Variants in LRRC1 observed in about 807,000 individuals in gnomAD.
LRRC1 encodes leucine rich repeat containing 1.
A neutral mutation model predicts 69.9 loss-of-function variants in LRRC1; 28 were observed. That is an observed-to-expected ratio of 0.40 (90% CI 0.30 to 0.55). The LOEUF (loss-of-function observed/expected upper bound fraction) is 0.55, where lower values mean the gene tolerates loss of function less well. LRRC1 is among the 20% of genes least tolerant of loss of function. The pLI, the probability that LRRC1 is intolerant of heterozygous loss-of-function variation, is 0.47. For synonymous variants in LRRC1, 236 were observed against 240.2 expected, an observed-to-expected ratio of 0.98 and a Z score of 0.16; for missense variants, 498 against 609.0, an observed-to-expected ratio of 0.82 and a Z score of 1.92.
intron 10 of LRRC1, among the ~76,000 whole-genome samples, chr6:53,910,298 A>C (rs573553091): frequency 3.3e-5 from 5 of 152,324 alleles, no homozygotes; most frequent in African/African-American, 1.2e-4. Flanking sequence ...GTAATAAGTT[A>C]TTTAAACAGT....
At chr6:53,902,417 T>A (rs936980857) in intron 8 of LRRC1, among the ~76,000 whole-genome samples, 3 of 152,224 alleles carry the variant, frequency 2.0e-5, no homozygotes, top group Non-Finnish European at 4.4e-5. Flanking sequence ...TGTTTCTTAT[T>A]GCTGACCGTT....
intron 1 of LRRC1, among the ~76,000 whole-genome samples, chr6:53,806,138 C>T (rs1764630683): frequency 6.6e-6 from 1 of 152,230 alleles, no homozygotes; most frequent in Non-Finnish European, 1.5e-5. Context: ...CTCCCATCTC[C>T]TCTGTGGTCT....
intron 4 of LRRC1, among the ~76,000 whole-genome samples, chr6:53,890,689 A>G (rs191435261): frequency 3.5e-4 from 54 of 152,340 alleles, no homozygotes; most frequent in African/African-American, 1.2e-3. Context: ...TTCTAGAGCA[A>G]AGCCACCGTA....
At chr6:53,917,418 T>A (rs1490235526) in intron 11 of LRRC1, among the ~76,000 whole-genome samples, 1 of 152,258 alleles carries the variant, frequency 6.6e-6, no homozygotes, top group Admixed American at 6.5e-5. Context: ...CTCATTAATT[T>A]GAGTTGAAAT....
chr6:53,865,482 T>C (rs1040165984), intron 2 of LRRC1, among the ~76,000 whole-genome samples: 6 of 152,164 alleles, frequency 3.9e-5, no homozygotes, highest in African/African-American at 1.2e-4. Context: ...ATGCAATTGC[T>C]GATTCCTGTT....
At chr6:53,809,028 C>A (rs1157549830) in intron 1 of LRRC1, among the ~76,000 whole-genome samples, 1 of 152,174 alleles carries the variant, frequency 6.6e-6, no homozygotes, top group African/African-American at 2.4e-5. Flanking sequence ...TCCTTATATA[C>A]ATACTTAAAG....
intron 7 of LRRC1, among the ~76,000 whole-genome samples, chr6:53,899,501 T>A (rs1374318248): frequency 1.3e-5 from 2 of 152,222 alleles, no homozygotes; most frequent in African/African-American, 4.8e-5. Flanking sequence ...TGGGAATGAT[T>A]CCTTGCCTGC....
chr6:53,922,730 A>G lies in LRRC1; in HGVS notation c.1512A>G (p.Lys504=). The G allele has an allele frequency of 1.2e-6, 2 of 1,614,138 alleles. No individual in the cohort carries two copies. Among genetic ancestry groups the G allele is most frequent in the Non-Finnish European group, 1.7e-6 (2 of 1,179,974 alleles). ...ENLRNDMNAA[K]GLDSNKNEVN... ...TACGGAATGACATGAATGCTGCTAA[A>G]GGACTGGACTCAAACAAAAACGAGG... Residue 504 remains lysine, a synonymous_variant, in exon 14 of 14, where the codon AAA becomes AAG. Coordinates refer to ENST00000370888, the MANE Select transcript of LRRC1 (RefSeq NM_018214.5).
intron 1 of LRRC1, among the ~76,000 whole-genome samples, chr6:53,806,740 A>G (rs1039357720): frequency 3.3e-5 from 5 of 152,172 alleles, no homozygotes; most frequent in Non-Finnish European, 5.9e-5. Context: ...ATAATCAAGG[A>G]TTTGATAATA....
At chr6:53,809,283 T>C (rs1191667412) in intron 1 of LRRC1, among the ~76,000 whole-genome samples, 1 of 152,264 alleles carries the variant, frequency 6.6e-6, no homozygotes, top group African/African-American at 2.4e-5. Context: ...AGTACTGTTA[T>C]AAATGGATGC....
chr6:53,839,259 C>T (rs987552768), intron 1 of LRRC1, among the ~76,000 whole-genome samples: 1 of 151,708 alleles, frequency 6.6e-6, no homozygotes, highest in African/African-American at 2.4e-5. Context: ...TTTTCTTTTA[C>T]GTATTGCTCA....
intron 2 of LRRC1, among the ~76,000 whole-genome samples, chr6:53,844,458 G>A (rs1765878645): frequency 6.6e-6 from 1 of 152,214 alleles, no homozygotes; most frequent in African/African-American, 2.4e-5. Context: ...GTCAGCACTA[G>A]TCAGCTGCCA....
intron 7 of LRRC1, among the ~76,000 whole-genome samples, chr6:53,898,608 C>A (rs181786871): frequency 6.6e-6 from 1 of 152,108 alleles, no homozygotes; most frequent in South Asian, 2.1e-4. Context: ...AGCATAAACA[C>A]ACCAAAAAGT....
At chr6:53,913,806 T>G (rs1768485557) in intron 10 of LRRC1, 48 bp from the exon 11 acceptor site, 1 of 1,271,716 alleles carries the variant, frequency 7.9e-7, no homozygotes, top group African/African-American at 1.5e-5. Context: ...TCCTACTCCA[T>G]CTCCCCTAGA....
At position 53,847,701 on chromosome 6, in the gene LRRC1, C is replaced by T. The variant is rs572824830; in HGVS notation, c.277+5474C>T. ...GGGTTAGTTGTCCTCTGTCCAACCA[C>T]GAGATGCTGATCAATGTTTGGTCTA... On this transcript the variant is annotated intron_variant, in intron 2 of 13. Coordinates refer to ENST00000370888, the MANE Select transcript of LRRC1 (RefSeq NM_018214.5). Among the ~76,000 whole-genome samples the T allele has an allele frequency of 1.6e-4, 24 of 152,272 alleles. No individual in the cohort carries two copies. The South Asian group carries it at 3.9e-3, about 25-fold the overall frequency.
At chr6:53,832,679 A>C (rs1765464402) in intron 1 of LRRC1, among the ~76,000 whole-genome samples, 1 of 152,198 alleles carries the variant, frequency 6.6e-6, no homozygotes, top group Non-Finnish European at 1.5e-5. Flanking sequence ...TTTGGTTAAA[A>C]TGTGCAGGAA....
At chr6:53,861,038 G>C (rs1177453184) in intron 2 of LRRC1, among the ~76,000 whole-genome samples, 1 of 152,096 alleles carries the variant, frequency 6.6e-6, no homozygotes, top group Non-Finnish European at 1.5e-5. Flanking sequence ...TTAGGGTGAC[G>C]GGTGAGAGAA....
chr6:53,883,018 G>A (rs1767351212), intron 4 of LRRC1, 42 bp downstream of exon 4: 1 of 1,260,050 alleles, frequency 7.9e-7, no homozygotes, highest in Admixed American at 1.8e-5. Context: ...GGGTGAAAGG[G>A]GGTTTATATC....
intron 1 of LRRC1, among the ~76,000 whole-genome samples, chr6:53,831,424 G>C (rs1370679085): frequency 1.3e-5 from 2 of 152,108 alleles, no homozygotes; most frequent in Non-Finnish European, 2.9e-5. Context: ...TTTTGGAAAA[G>C]TGCTTTGGCA....
Sources: allele counts gnomAD v4.1 joint callset (sites outside exome capture counted in the v4.1 genomes callset), GRCh38; gene constraint gnomAD v4.1.1; transcripts MANE v1.5; gene names NCBI Gene and HGNC (gene_info 2026-07-23, HGNC 2026-07-21).